SMARCC2: variants seen among roughly 807,000 people sequenced by gnomAD.
The protein encoded by SMARCC2 is SWI/SNF complex subunit SMARCC2.
SMARCC2 carries 15 observed loss-of-function variants against 151.3 expected under a neutral mutation model. The ratio of observed to expected loss-of-function variants is 0.10; its 90% CI spans 0.07 to 0.15. The LOEUF (loss-of-function observed/expected upper bound fraction) is 0.15. Ranked by LOEUF, SMARCC2 falls within the 10% of genes least tolerant of loss-of-function variation. The pLI is 1.00. For missense variants in SMARCC2, 1,031 were observed against 1,599.7 expected (o/e 0.64, Z 6.06); for synonymous variants, 590 against 609.5 (o/e 0.97, Z 0.47).
rs752367620 is a variant in SMARCC2 at position 56,170,176 on chromosome 12, C to A, written c.2380G>T (p.Gly794Cys). 47 of 1,613,912 alleles carry A rather than the reference C, an allele frequency of 2.9e-5. No homozygotes were observed. The highest frequency in any genetic ancestry group is 3.6e-5 in the Non-Finnish European group (43 of 1,179,912). ...ESGNDEARVE[G>C]QATDEKKEPK... ...TCCTTCTTCTCATCTGTGGCCTGGC[C>A]TTCCACCCGAGCCTCGTCATTCCCG... Residue 794 changes from glycine to cysteine, a missense_variant, in exon 23 of 29, where the codon GGC becomes TGC. Physicochemically the swap from Gly to Cys is radical, Grantham distance 159. Around this residue, in one of 12 missense-constraint regions of SMARCC2, gnomAD observed 119 missense variants for 184.2 expected, o/e 0.65. Coordinates refer to ENST00000550164, the MANE Select transcript of SMARCC2 (RefSeq NM_001330288.2).
At position 56,184,204 on chromosome 12, in the gene SMARCC2, A is replaced by G. The variant is rs774189919; in HGVS notation, c.533T>C (p.Val178Ala). 2 of 1,613,702 alleles carry G rather than the reference A, an allele frequency of 1.2e-6. No homozygotes were observed. Among genetic ancestry groups the G allele is most frequent in the Admixed American group, 3.3e-5 (2 of 59,986 alleles). The change falls in exon 6 of 29, where the codon GTG becomes GCG. Residue 178 changes from valine to alanine, a missense_variant. Physicochemically the swap from Val to Ala is moderately conservative, Grantham distance 64 (BLOSUM62 0). Transcript: ENST00000550164. ...TEDKNNASHV[V>A]YPVPGNLEEE... ...TTCTAGATTCCCCGGGACAGGATACACAACATGGGAGGCATTGTTCTTATC... is the reference window on the plus strand; with the variant it reads ...TTCTAGATTCCCCGGGACAGGATACGCAACATGGGAGGCATTGTTCTTATC...
chr12:56,181,371 T>C (rs1257335602), intron 10 of SMARCC2, 111 bp downstream of exon 10: 3 of 707,392 alleles, frequency 4.2e-6, no homozygotes, highest in Admixed American at 5.9e-5. Flanking sequence ...TGCAGTATTA[T>C]GGCACACCCA....
At chr12:56,184,323 A>T in intron 5 of SMARCC2, 79 bp from the exon 6 acceptor site, 1 of 1,030,456 alleles carries the variant, frequency 9.7e-7, no homozygotes, top group Non-Finnish European at 1.5e-6. Context: ...CTGCCTTCCT[A>T]ACCATATTTT....
intron 20 of SMARCC2, 158 bp from the exon 21 acceptor site, chr12:56,172,095 G>A (rs1874059200): frequency 1.6e-6 from 1 of 643,634 alleles, no homozygotes; most frequent in East Asian, 2.9e-5. Context: ...GTAGCACTAA[G>A]AAAGGATATG....
Position 56,181,534 on chromosome 12 carries a change from A to G in SMARCC2, c.904T>C (p.Ser302Pro). ...KGGNYKKRKRSPSPSPTPEAK... is the reference protein window; with the variant it reads ...KGGNYKKRKRPPSPSPTPEAK... ...TCTGGGGTTGGTGAAGGAGAGGGGG[A>G]GCGCTTCCTCTTCTTATAGTTTCCC... The change falls in exon 10 of 29, where the codon TCC (serine) becomes CCC (proline). Residue 302 changes from serine to proline, a missense_variant. Coordinates refer to ENST00000550164, the MANE Select transcript of SMARCC2 (RefSeq NM_001330288.2). 3 of 1,576,732 alleles carry G rather than the reference A, an allele frequency of 1.9e-6. No individual in the cohort carries two copies. Among genetic ancestry groups the G allele is most frequent in the South Asian group, 1.2e-5 (1 of 83,764 alleles).
chr12:56,170,256 T>A, intron 22 of SMARCC2, 48 bp from the exon 23 acceptor site: 2 of 1,464,636 alleles, frequency 1.4e-6, no homozygotes, highest in Non-Finnish European at 1.9e-6. Context: ...TAATACACAG[T>A]CGTCTGTGTC....
rs1169410102 is a variant in SMARCC2 at position 56,163,291 on chromosome 12, G to A, written c.*398C>T. On this transcript the variant is annotated 3_prime_UTR_variant, in exon 29 of 29. Coordinates refer to ENST00000550164, the MANE Select transcript of SMARCC2 (RefSeq NM_001330288.2). Reference sequence around the variant, plus strand: ...GTAAAAATTGGTTATTTTTTAGTGGGTAGAAGGGAGCTCCAATGTGGCTTT... The same window carrying A: ...GTAAAAATTGGTTATTTTTTAGTGGATAGAAGGGAGCTCCAATGTGGCTTT... The A allele has an allele frequency of 6.6e-6, 1 of 151,950 alleles. No homozygotes were observed. The highest frequency in any genetic ancestry group is 2.4e-5 in the African/African-American group (1 of 40,880). 9.4% of individuals were successfully genotyped at this position (151,950 alleles called of 1,614,324 possible).
Position 56,181,714 on chromosome 12 carries a change from A to G in SMARCC2, c.830T>C (p.Leu277Pro), listed in dbSNP as rs1876246876. The G allele has an allele frequency of 6.2e-7, 1 of 1,614,202 alleles. No homozygotes were observed. Among genetic ancestry groups the G allele is most frequent in the Non-Finnish European group, 8.5e-7 (1 of 1,180,040 alleles). ...AACAGGATTTGTCACCTCATCTGTC[A>G]GTGTCTTGGCTGAAATCTTCTTTCG... Reference protein sequence around the residue: ...SRRKKISAKTLTDEVNSPDSD... With the variant: ...SRRKKISAKTPTDEVNSPDSD... The change falls in exon 9 of 29, where the codon CTG (leucine) becomes CCG (proline). Residue 277 changes from leucine to proline, a missense_variant. Coordinates refer to ENST00000550164, the MANE Select transcript of SMARCC2 (RefSeq NM_001330288.2).
Position 56,184,242 on chromosome 12 carries a change from T to A in SMARCC2, c.495A>T (p.Gly165=). The A allele has an allele frequency of 6.2e-7, 1 of 1,611,658 alleles. No homozygotes were observed. The highest frequency in any genetic ancestry group is 1.1e-5 in the South Asian group (1 of 90,740). Residue 165 remains glycine, a splice_region_variant and synonymous_variant, in exon 6 of 29, where the codon GGA becomes GGT. Coordinates refer to ENST00000550164, the MANE Select transcript of SMARCC2 (RefSeq NM_001330288.2). ...CATTGTTCTTATCCTCAGTGACTGT[T>A]CCCTGGATGGTAAAAGGAGAAGCGG... is the stretch of plus-strand genomic sequence containing the variant. ...KLKDIIKRHQ[G]TVTEDKNNAS...
chr12:56,166,712 C>T (rs1483424983), intron 26 of SMARCC2, among the ~76,000 whole-genome samples: 2 of 151,848 alleles, frequency 1.3e-5, no homozygotes, highest in African/African-American at 4.8e-5. Context: ...ACCTCAGCTT[C>T]CTGAGTAGCT....
At chr12:56,174,838 A>G (rs1472216239) in intron 15 of SMARCC2, 74 bp from the exon 16 acceptor site, 3 of 961,642 alleles carry the variant, frequency 3.1e-6, no homozygotes, top group South Asian at 1.3e-5. Flanking sequence ...AAAAAATGGT[A>G]AGAGAGCTAA....
At chr12:56,170,123 C>G (rs774765628) in intron 23 of SMARCC2, 21 bp downstream of exon 23, 1 of 1,607,008 alleles carries the variant, frequency 6.2e-7, no homozygotes, top group Admixed American at 1.7e-5. Context: ...GCCCCTGCAG[C>G]TTCCAGAAAT....
In SMARCC2 at chr12:56,181,516, T is replaced by C. The variant is rs1876198757; in HGVS notation, c.922A>G (p.Thr308Ala). 2 of 1,561,174 alleles carry C rather than the reference T, an allele frequency of 1.3e-6. No homozygotes were observed. The highest frequency in any genetic ancestry group is 1.7e-6 in the Non-Finnish European group (2 of 1,158,084). ...GCATTTTTCTTCTTTGCTTCTGGGG[T>C]TGGTGAAGGAGAGGGGGAGCGCTTC... ...KRKRSPSPSP[T>A]PEAKKKNAKK... The change falls in exon 10 of 29, where the codon ACC becomes GCC. Residue 308 changes from threonine (T) to alanine (A), a missense_variant. Coordinates refer to ENST00000550164, the MANE Select transcript of SMARCC2 (RefSeq NM_001330288.2).
At position 56,165,707 on chromosome 12, in the gene SMARCC2, T is replaced by G; in HGVS notation, c.2851-8A>C. The stretch of plus-strand genomic sequence containing the variant: ...CTGCCTCTGATACTCCAGCTGCCAG[T>G]GCCAATTGAGTATTGTTATCCAATT... On this transcript the variant is annotated splice_polypyrimidine_tract_variant and splice_region_variant and intron_variant, in intron 26 of 28. Transcript: ENST00000550164. 1.2e-6 allele frequency: 2 copies of G among 1,607,356 alleles called. No homozygotes were observed. The highest frequency in any genetic ancestry group is 1.7e-6 in the Non-Finnish European group (2 of 1,179,864).
At position 56,184,834 on chromosome 12, in the gene SMARCC2, G is replaced by A. The variant is rs761618562; in HGVS notation, c.492+10C>T. ...GAGTTTCTGAAACCTCTCCTCACCAGACCATTTACCTGGTGTCTCTTGATA... is the reference window on the plus strand; with the variant it reads ...GAGTTTCTGAAACCTCTCCTCACCAAACCATTTACCTGGTGTCTCTTGATA... On this transcript the variant is annotated intron_variant, in intron 5 of 28. Coordinates refer to ENST00000550164, the MANE Select transcript of SMARCC2 (RefSeq NM_001330288.2). The A allele has an allele frequency of 6.5e-7, 1 of 1,538,382 alleles. No homozygotes were observed. The highest frequency in any genetic ancestry group is 9.0e-7 in the Non-Finnish European group (1 of 1,111,212).
rs754782758 is a variant in SMARCC2, at chr12:56,189,332, C to T, written c.111+19G>A. On this transcript the variant is annotated intron_variant, in intron 1 of 28. Transcript: ENST00000550164. ...TGTCCCGCCCCCGGTCCCCGCGCGGCCCGGCCCGGCCCGCGTACCTTCTTG... is the reference window on the plus strand; with the variant it reads ...TGTCCCGCCCCCGGTCCCCGCGCGGTCCGGCCCGGCCCGCGTACCTTCTTG... 1 of 1,448,672 alleles carries T rather than the reference C, an allele frequency of 6.9e-7. No individual in the cohort carries two copies. The highest frequency in any genetic ancestry group is 2.8e-5 in the East Asian group (1 of 36,068). The allele number at this position is 1,448,672 out of a possible 1,614,324, so 89.7% of individuals were successfully genotyped here.
intron 15 of SMARCC2, among the ~76,000 whole-genome samples, chr12:56,176,518 C>T (rs1875000100): frequency 6.6e-6 from 1 of 152,206 alleles, no homozygotes; most frequent in African/African-American, 2.4e-5. Flanking sequence ...TGCTCTGTCG[C>T]CCAGGCTGGA....
chr12:56,174,961 T>C (rs1450451950), intron 15 of SMARCC2, among the ~76,000 whole-genome samples, 197 bp from the exon 16 acceptor site: 1 of 152,150 alleles, frequency 6.6e-6, no homozygotes, highest in African/African-American at 2.4e-5. Flanking sequence ...TTTTCCTTGA[T>C]GGGGTTTTCT....
intron 16 of SMARCC2, among the ~76,000 whole-genome samples, chr12:56,174,086 CT>C (rs1874477311): frequency 6.6e-6 from 1 of 152,210 alleles, no homozygotes; most frequent in African/African-American, 2.4e-5. Context: ...ATCTACCTAC[CT>C]ACCGAACATT....
Sources: allele counts gnomAD v4.1 joint callset (sites outside exome capture counted in the v4.1 genomes callset), GRCh38; gene constraint gnomAD v4.1.1; regional missense constraint gnomAD v4.1.1; transcripts MANE v1.5; gene names NCBI Gene and HGNC (gene_info 2026-07-23, HGNC 2026-07-21).